PFKFB2: variants seen among roughly 807,000 people sequenced by gnomAD.
PFKFB2 encodes 6-phosphofructo-2-kinase/fructose-2,6-biphosphatase 2, also known as 6-phosphofructo-2-kinase/fructose-2,6-bisphosphatase 2.
A neutral mutation model predicts 68.0 loss-of-function variants in PFKFB2; 53 were observed. The ratio of observed to expected loss-of-function variants is 0.78; its 90% CI spans 0.63 to 0.98. The LOEUF (loss-of-function observed/expected upper bound fraction) is 0.98, where lower values mean the gene tolerates loss of function less well. PFKFB2 is among the 50% of genes least tolerant of loss of function. The pLI, the probability that PFKFB2 is intolerant of heterozygous loss-of-function variation, is 0.00. For missense variants in PFKFB2, 451 were observed against 642.0 expected, an observed-to-expected ratio of 0.70 and a Z score of 3.22; for synonymous variants, 222 against 227.6, an observed-to-expected ratio of 0.98 and a Z score of 0.22.
chr1:207,063,645 C>T lies in PFKFB2; in HGVS notation c.451-128C>T. 2.3e-6 allele frequency: 2 copies of T among 853,056 alleles called. No homozygotes were observed. The highest frequency in any genetic ancestry group is 4.0e-6 in the Non-Finnish European group (2 of 495,716). The allele number at this position is 853,056 out of a possible 1,614,324, so 52.8% of individuals were successfully genotyped here. A position where few individuals can be genotyped will look rare whatever the true frequency, so the allele number is the denominator to read the frequency against. On this transcript the variant is annotated intron_variant, in intron 6 of 14. Coordinates refer to ENST00000367080, the MANE Select transcript of PFKFB2 (RefSeq NM_006212.2). This position sits in a 1 kb window ranked among gnomAD's most constrained non-coding sequence, Gnocchi z 4.1. ...GCTGTGGTAAGAGCTATGAGGAGGA[C>T]TTGAGGGCCACTTTCATGAAGAAAA... is the stretch of plus-strand genomic sequence containing the variant.
Position 207,062,698 on chromosome 1 carries a change from A to G in PFKFB2, c.290A>G (p.Glu97Gly). The G allele has an allele frequency of 6.2e-7, 1 of 1,614,056 alleles. No homozygotes were observed. The highest frequency in any genetic ancestry group is 8.5e-7 in the Non-Finnish European group (1 of 1,179,974). Residue 97 changes from glutamate (E) to glycine (G), a missense_variant, in exon 4 of 15, where the codon GAG (glutamate) becomes GGG (glycine). Physicochemically the swap from Glu to Gly is moderately conservative, Grantham distance 98 (BLOSUM62 -2). Coordinates refer to ENST00000367080, the MANE Select transcript of PFKFB2 (RefSeq NM_006212.2). The part of the protein sequence containing the change: ...SYDFFRHDNE[E>G]AMKIRKQCAL... Reference sequence around the variant, plus strand: ...GACTTCTTTCGGCATGACAATGAGGAGGCCATGAAGATCCGCAAGTGAGTC... The same window carrying G: ...GACTTCTTTCGGCATGACAATGAGGGGGCCATGAAGATCCGCAAGTGAGTC...
rs547101286 is a variant in PFKFB2, at chr1:207,070,260, T to C, written c.1093-20T>C. Reference sequence around the variant, plus strand: ...GCTTGCACCTGGGCTCCTGCCAGCCTGCCCCATTTCCCTCCACAGTCATAC... The same window carrying C: ...GCTTGCACCTGGGCTCCTGCCAGCCCGCCCCATTTCCCTCCACAGTCATAC... On this transcript the variant is annotated intron_variant, in intron 11 of 14. Coordinates refer to ENST00000367080, the MANE Select transcript of PFKFB2 (RefSeq NM_006212.2). This position sits in a 1 kb window ranked among gnomAD's most constrained non-coding sequence, Gnocchi z 4.2. 6.2e-7 allele frequency: 1 copy of C among 1,612,204 alleles called. No individual in the cohort carries two copies. The highest frequency in any genetic ancestry group is 8.5e-7 in the Non-Finnish European group (1 of 1,179,724).
At chr1:207,080,236 T>TA (rs397750506), downstream of PFKFB2, 32 of 152,064 alleles carry the variant, frequency 2.1e-4, no homozygotes, top group South Asian at 1.2e-3. Flanking sequence ...GTCTATTTTT[T>TA]AAAGAATAGT....
chr1:207,068,104 G>GTGTGTGTA, intron 9 of PFKFB2, 59 bp from the exon 10 acceptor site: 1 of 1,391,798 alleles, frequency 7.2e-7, no homozygotes. Context: ...GAGTGTGTGT[G>GTGTGTGTA]TGTGTGTGTG....
chr1:207,079,129 T>C, downstream of PFKFB2: 1 of 911,030 alleles, frequency 1.1e-6, no homozygotes, highest in South Asian at 1.3e-5. Context: ...AACTGGACTT[T>C]GGGGGCCACC....
At position 207,063,907 on chromosome 1, in the gene PFKFB2, G is replaced by C; in HGVS notation, c.507+78G>C. Reference sequence around the variant, plus strand: ...TTGTGGGGTGTGTGTGTGTGTGTGTGTGTGTGTGTTGTTGGGGAGGGGTGT... The same window carrying C: ...TTGTGGGGTGTGTGTGTGTGTGTGTCTGTGTGTGTTGTTGGGGAGGGGTGT... On this transcript the variant is annotated intron_variant, in intron 7 of 14. Coordinates refer to ENST00000367080, the MANE Select transcript of PFKFB2 (RefSeq NM_006212.2). This position sits in a 1 kb window ranked among gnomAD's most constrained non-coding sequence, Gnocchi z 4.1. 3.9e-6 allele frequency: 4 copies of C among 1,036,350 alleles called. No homozygotes were observed. Among genetic ancestry groups the C allele is most frequent in the Non-Finnish European group, 4.6e-6 (3 of 658,360 alleles). 64.2% of individuals were successfully genotyped at this position (1,036,350 alleles called of 1,614,324 possible). A position where few individuals can be genotyped will look rare whatever the true frequency, so the allele number is the denominator to read the frequency against.
At chr1:207,079,015 G>T, downstream of PFKFB2, 1 of 1,610,464 alleles carries the variant, frequency 6.2e-7, no homozygotes. Flanking sequence ...ATGTTGCCTT[G>T]CTAATGATGT....
intron 2 of PFKFB2, 93 bp downstream of exon 2, chr1:207,054,895 GATAA>G (rs1354563261): frequency 1.2e-6 from 1 of 832,720 alleles, no homozygotes; most frequent in Admixed American, 2.4e-5. Context: ...TGGTGGGAGT[GATAA>G]ATAATTATTT....
intron 10 of PFKFB2, 37 bp downstream of exon 10, chr1:207,068,346 A>G: frequency 6.6e-7 from 1 of 1,510,702 alleles, no homozygotes; most frequent in East Asian, 2.3e-5. Flanking sequence ...AAAAGCCAAC[A>G]AGAGTTCAGG....
upstream of PFKFB2, chr1:207,051,110 C>T (rs974882823): frequency 1.7e-5 from 24 of 1,428,370 alleles, no homozygotes; most frequent in Non-Finnish European, 1.8e-5. Flanking sequence ...AGCGCGAACT[C>T]TTTTAAAGTG....
At chr1:207,048,760 G>T (rs79390089), upstream of PFKFB2, 5,772 of 436,456 alleles carry the variant, frequency 0.013, 277 homozygotes, top group African/African-American at 0.1. Flanking sequence ...GTCAGTGTCA[G>T]TAGGTGGCAA....
Position 207,077,530 on chromosome 1 carries a change from T to TA in PFKFB2, c.*5159_*5160insA, listed in dbSNP as rs1282354535. ...GCAAAATCAAAGGGCTGATCATACA[T>TA]GGTGCCCTTTGGGAAGGGGGATGGT... is the stretch of plus-strand genomic sequence containing the variant. On this transcript the variant is annotated 3_prime_UTR_variant, in exon 15 of 15. Transcript: ENST00000367080. The TA allele has an allele frequency of 1.0e-6, 1 of 985,604 alleles. No individual in the cohort carries two copies. Among genetic ancestry groups the TA allele is most frequent in the East Asian group, 1.1e-4 (1 of 8,822 alleles). The allele number at this position is 985,604 out of a possible 1,614,324, so 61.1% of individuals were successfully genotyped here.
rs1683637370 is a variant in PFKFB2 at position 207,076,760 on chromosome 1, C to G, written c.*4389C>G. 1 of 970,794 alleles carries G rather than the reference C, an allele frequency of 1.0e-6. No homozygotes were observed. The highest frequency in any genetic ancestry group is 1.8e-5 in the African/African-American group (1 of 54,114). The allele number at this position is 970,794 out of a possible 1,614,324, so 60.1% of individuals were successfully genotyped here. ...TCTAGTAGGATCTGTTTGTCACTGA[C>G]AGACTGTAGTAGTGTCTGTGTGCTG... On this transcript the variant is annotated 3_prime_UTR_variant, in exon 15 of 15. Coordinates refer to ENST00000367080, the MANE Select transcript of PFKFB2 (RefSeq NM_006212.2).
intron 2 of PFKFB2, among the ~76,000 whole-genome samples, chr1:207,055,197 A>T (rs1237379933): frequency 6.6e-6 from 1 of 152,072 alleles, no homozygotes; most frequent in Non-Finnish European, 1.5e-5. Context: ...GTTTTGGGAG[A>T]GTGCTGCTCA....
rs1682881572 is a variant in PFKFB2 at position 207,055,125 on chromosome 1, C to T, written c.85+323C>T. On this transcript the variant is annotated intron_variant, in intron 2 of 14. Transcript: ENST00000367080. ...TATTGTACACACAATGAGTAAGGCACAGTTGCAGGTGCAGGAATTACTTGG... is the reference window on the plus strand; with the variant it reads ...TATTGTACACACAATGAGTAAGGCATAGTTGCAGGTGCAGGAATTACTTGG... 2.0e-5 allele frequency among the ~76,000 whole-genome samples: 3 copies of T among 152,296 alleles called. No homozygotes were observed. The East Asian group carries it at 5.8e-4, about 29-fold the overall frequency.
chr1:207,063,123 T>G lies in PFKFB2; in HGVS notation c.309-20T>G, dbSNP rs2102351503. ...TTTGAGCTTAGCTCTCCTTGCTGGT[T>G]TCATTTGCTCTTATGGCAGACAGTG... is the stretch of plus-strand genomic sequence containing the variant. On this transcript the variant is annotated intron_variant, in intron 4 of 14. Coordinates refer to ENST00000367080, the MANE Select transcript of PFKFB2 (RefSeq NM_006212.2). This position sits in a 1 kb window ranked among gnomAD's most constrained non-coding sequence, Gnocchi z 4.1. 6.2e-7 allele frequency: 1 copy of G among 1,610,194 alleles called. No homozygotes were observed.
Position 207,035,407 on chromosome 1 carries a change from A to G in PFKFB2, c.-62+935A>G, listed in dbSNP as rs1682356417. Among the ~76,000 whole-genome samples, 3 of 152,200 alleles carry G rather than the reference A, an allele frequency of 2.0e-5. No individual in the cohort carries two copies. In the South Asian group the frequency reaches 6.2e-4, roughly 31 times the overall value. ...GGTGGCTCATGCCTGTAATTCCAGC[A>G]CTTTGGATGGCCAAGGCAGGGGGAT... On this transcript the variant is annotated intron_variant, in intron 1 of 5. Coordinates refer to the PFKFB2 transcript ENST00000545806.
rs1683523798 is a variant in PFKFB2 at position 207,073,314 on chromosome 1, T to C, written c.*943T>C. ...GGCTCTTAGAGAGCAGTCATGTCTTTTCTCCCATGACTCTCAGGTTCTTTG... is the reference window on the plus strand; with the variant it reads ...GGCTCTTAGAGAGCAGTCATGTCTTCTCTCCCATGACTCTCAGGTTCTTTG... On this transcript the variant is annotated 3_prime_UTR_variant, in exon 15 of 15. Transcript: ENST00000367080. 1.0e-6 allele frequency: 1 copy of C among 985,312 alleles called. No homozygotes were observed. Among genetic ancestry groups the C allele is most frequent in the Non-Finnish European group, 1.2e-6 (1 of 829,952 alleles). 61.0% of individuals were successfully genotyped at this position (985,312 alleles called of 1,614,324 possible).
intron 2 of PFKFB2, chr1:207,045,124 A>G (rs190352771): frequency 3.9e-5 from 6 of 152,530 alleles, no homozygotes; most frequent in African/African-American, 1.2e-4. Context: ...TGCCACTTGT[A>G]TATGACACGT....
Sources: gnomAD v4.1 joint callset for allele counts (sites outside exome capture counted in the v4.1 genomes callset) on GRCh38, gnomAD v4.1.1 for gene constraint, Gnocchi (gnomAD v3.1) non-coding constraint, MANE v1.5 for transcripts, NCBI Gene and HGNC (gene_info 2026-07-23, HGNC 2026-07-21) for gene names.